The following RGPD8 variants were observed in gnomAD, a reference collection of about 807,000 sequenced individuals.
The protein encoded by RGPD8 is RANBP2 like and GRIP domain containing 8, also known as RANBP2-like and GRIP domain-containing protein 8.
Under a neutral mutation model 89.1 loss-of-function variants are expected in RGPD8, and 15 were observed. The observed-to-expected ratio is 0.17, with a 90% CI of 0.11 to 0.26. The LOEUF (loss-of-function observed/expected upper bound fraction) is 0.26, where lower values mean the gene tolerates loss of function less well. Among genes scored for constraint, RGPD8 ranks in the 10% least tolerant of loss-of-function variants. The pLI is 1.00. For synonymous variants in RGPD8, 62 were observed against 420.9 expected, an observed-to-expected ratio of 0.15 and a Z score of 10.44; for missense variants, 178 against 1,179.6, an observed-to-expected ratio of 0.15 and a Z score of 12.44.
At chr2:112,428,958 C>T (rs968251336) in intron 1 of RGPD8, among the ~76,000 whole-genome samples, 7 of 151,988 alleles carry the variant, frequency 4.6e-5, no homozygotes, top group Non-Finnish European at 7.4e-5. Context: ...AAAAAAACAA[C>T]AAAAAACTGC....
chr2:112,425,288 T>C (rs1239535213), intron 1 of RGPD8, among the ~76,000 whole-genome samples: 1 of 147,602 alleles, frequency 6.8e-6, no homozygotes, highest in East Asian at 1.9e-4. Context: ...AAATAAGTAC[T>C]TAGGATCTAT....
rs1042739401 is a variant in RGPD8, at chr2:112,374,898, T to C, written c.5263+3155A>G. ...TTTTTTGAGATAGGAGTTTTGCTCT[T>C]GTTGCTTGGGCTGGAGTGCAATGGC... On this transcript the variant is annotated intron_variant, in intron 22 of 22. Coordinates refer to ENST00000302558, the MANE Select transcript of RGPD8 (RefSeq NM_001164463.1). Among the ~76,000 whole-genome samples the C allele has an allele frequency of 1.5e-4, 22 of 145,180 alleles. No homozygotes were observed. The South Asian group carries it at 4.7e-3, about 31-fold the overall frequency.
chr2:112,426,743 A>C (rs1291871545), intron 1 of RGPD8, among the ~76,000 whole-genome samples: 1 of 152,092 alleles, frequency 6.6e-6, no homozygotes, highest in Non-Finnish European at 1.5e-5. Context: ...GTCTCAAAAA[A>C]AAAAAGAACT....
At chr2:112,419,877 GA>G (rs1679513613) in intron 4 of RGPD8, among the ~76,000 whole-genome samples, 1 of 142,134 alleles carries the variant, frequency 7.0e-6, no homozygotes, top group Non-Finnish European at 1.5e-5. Flanking sequence ...TTACTGGGGA[GA>G]AAAACTTATC....
chr2:112,380,618 AC>A (rs1156715688), intron 21 of RGPD8, among the ~76,000 whole-genome samples: 1 of 139,188 alleles, frequency 7.2e-6, no homozygotes, highest in Admixed American at 8.0e-5. Context: ...GTGCCACTGC[AC>A]TCCAGCCTGG....
chr2:112,422,485 T>C, intron 3 of RGPD8, 63 bp downstream of exon 3: 4 of 1,588,418 alleles, frequency 2.5e-6, no homozygotes, highest in Admixed American at 1.7e-5. Context: ...CTTACTTATA[T>C]AAATTTCTCT....
intron 1 of RGPD8, among the ~76,000 whole-genome samples, chr2:112,431,885 C>T (rs1680057785): frequency 6.6e-6 from 1 of 152,230 alleles, no homozygotes; most frequent in African/African-American, 2.4e-5. Flanking sequence ...GGCAATCCGC[C>T]CTCCTCGGCC....
Position 112,389,230 on chromosome 2 carries a change from C to A in RGPD8, c.3715G>T (p.Ala1239Ser), listed in dbSNP as rs1224712894. ...TCTAATGTGGGCCCAGTGTTTTCAG[C>A]ATTGGGTTTTATTGTTGTGTCTGAG... ...GASDTTIKPN[A>S]ENTGPTLEWD... The change falls in exon 20 of 23, where the codon GCT becomes TCT. Residue 1239 changes from alanine (A) to serine (S), a missense_variant. By Grantham distance (99) the Ala-to-Ser change is moderately conservative. Coordinates refer to ENST00000302558, the MANE Select transcript of RGPD8 (RefSeq NM_001164463.1). 7.0e-6 allele frequency: 11 copies of A among 1,570,410 alleles called. 2 individuals are homozygous for A. Among genetic ancestry groups the A allele is most frequent in the Non-Finnish European group, 9.6e-6 (11 of 1,150,386 alleles).
chr2:112,428,981 A>G (rs1351711004), intron 1 of RGPD8, among the ~76,000 whole-genome samples: 1 of 152,122 alleles, frequency 6.6e-6, no homozygotes, highest in Admixed American at 6.5e-5. Flanking sequence ...AACAAGGGCA[A>G]TTCAAATGCA....
intron 20 of RGPD8, among the ~76,000 whole-genome samples, chr2:112,382,024 T>G (rs1678321951): frequency 1.3e-5 from 2 of 151,996 alleles, no homozygotes; most frequent in East Asian, 1.9e-4. Context: ...CTTAATCTGG[T>G]AGGTGCCATC....
intron 1 of RGPD8, 31 bp from the exon 2 acceptor site, chr2:112,424,338 T>C: frequency 6.3e-7 from 1 of 1,592,982 alleles, no homozygotes; most frequent in Non-Finnish European, 8.5e-7. Flanking sequence ...GTTTTATGTT[T>C]CATACAGAAA....
intron 1 of RGPD8, among the ~76,000 whole-genome samples, chr2:112,432,331 G>T (rs1368389863): frequency 6.6e-6 from 1 of 151,390 alleles, no homozygotes; most frequent in Non-Finnish European, 1.5e-5. Flanking sequence ...AAGAACTTTA[G>T]AATTTTTTTT....
At chr2:112,375,153 C>T (rs1422976051) in intron 22 of RGPD8, among the ~76,000 whole-genome samples, 4 of 112,230 alleles carry the variant, frequency 3.6e-5, no homozygotes, top group Non-Finnish European at 3.7e-5. Context: ...TGAGCCACCG[C>T]ACCAGGCCTT....
At chr2:112,427,156 A>G (rs1679806222) in intron 1 of RGPD8, among the ~76,000 whole-genome samples, 1 of 152,094 alleles carries the variant, frequency 6.6e-6, no homozygotes, top group African/African-American at 2.4e-5. Context: ...ATAATAGAAA[A>G]ATAATTCCAT....
chr2:112,413,487 T>G (rs890059492), intron 6 of RGPD8, among the ~76,000 whole-genome samples: 5 of 98,316 alleles, frequency 5.1e-5, no homozygotes, highest in African/African-American at 9.9e-5. Context: ...AAATCCTCAC[T>G]TTGGAAGAAA....
At chr2:112,411,340 A>C (rs1229069042) in intron 7 of RGPD8, among the ~76,000 whole-genome samples, 3 of 146,450 alleles carry the variant, frequency 2.0e-5, no homozygotes, top group Non-Finnish European at 3.0e-5. Context: ...AGGCCGAGGC[A>C]GGTGGATGAC....
At chr2:112,387,761 C>T (rs1678513534) in intron 20 of RGPD8, among the ~76,000 whole-genome samples, 1 of 145,266 alleles carries the variant, frequency 6.9e-6, no homozygotes, top group African/African-American at 2.5e-5. Flanking sequence ...AGCATGACTC[C>T]GTACACTGTA....
At chr2:112,410,536 G>C (rs1679130507) in intron 7 of RGPD8, among the ~76,000 whole-genome samples, 1 of 151,950 alleles carries the variant, frequency 6.6e-6, no homozygotes. Flanking sequence ...CCAGCACTTT[G>C]AGAGGCCGAG....
At chr2:112,411,179 A>C (rs1470309413) in intron 7 of RGPD8, among the ~76,000 whole-genome samples, 1 of 152,286 alleles carries the variant, frequency 6.6e-6, no homozygotes, top group African/African-American at 2.4e-5. Flanking sequence ...CCTTCTCTAA[A>C]ATTAATCATC....
Sources: allele counts gnomAD v4.1 joint callset (sites outside exome capture counted in the v4.1 genomes callset), GRCh38; gene constraint gnomAD v4.1.1; transcripts MANE v1.5; gene names NCBI Gene and HGNC (gene_info 2026-07-23, HGNC 2026-07-21).